MPP3: variants seen among roughly 807,000 people sequenced by gnomAD.
The protein encoded by MPP3 is MAGUK p55 scaffold protein 3, also known as MAGUK p55 subfamily member 3.
A neutral mutation model predicts 80.7 loss-of-function variants in MPP3; 48 were observed. The ratio of observed to expected loss-of-function variants is 0.59; its 90% CI spans 0.47 to 0.76. The LOEUF (loss-of-function observed/expected upper bound fraction) is 0.76, where lower values mean the gene tolerates loss of function less well. Among genes scored for constraint, MPP3 ranks in the 30% least tolerant of loss-of-function variants. MPP3 has a pLI of 0.00. For synonymous variants in MPP3, 311 were observed against 297.6 expected (o/e 1.04, Z -0.46); for missense variants, 620 against 763.0 (o/e 0.81, Z 2.21).
At chr17:43,810,431 G>T (rs1052949374) in intron 18 of MPP3, among the ~76,000 whole-genome samples, 1 of 152,094 alleles carries the variant, frequency 6.6e-6, no homozygotes, top group African/African-American at 2.4e-5. Flanking sequence ...TGGTTGGGGA[G>T]GGGGAGGCCT....
chr17:43,822,546 G>A (rs1035125171), intron 10 of MPP3, among the ~76,000 whole-genome samples: 3 of 151,720 alleles, frequency 2.0e-5, no homozygotes, highest in African/African-American at 4.9e-5. Flanking sequence ...AGGTCTTAAC[G>A]TCTCACCTGG....
At chr17:43,804,265 A>C (rs1016341516) in intron 19 of MPP3, among the ~76,000 whole-genome samples, 2 of 152,230 alleles carry the variant, frequency 1.3e-5, no homozygotes, top group African/African-American at 4.8e-5. Flanking sequence ...AGCCAAAACA[A>C]GCTTGAAAAA....
intron 10 of MPP3, among the ~76,000 whole-genome samples, chr17:43,822,271 C>T (rs543453125): frequency 2.1e-4 from 32 of 152,162 alleles, no homozygotes; most frequent in Non-Finnish European, 3.7e-4. Flanking sequence ...TCATTGAAGA[C>T]GTAGTCCATT....
At position 43,810,895 on chromosome 17, in the gene MPP3, T is replaced by C; in HGVS notation, c.1370A>G (p.Tyr457Cys). The C allele has an allele frequency of 6.2e-7, 1 of 1,606,716 alleles. No individual in the cohort carries two copies. The highest frequency in any genetic ancestry group is 8.5e-7 in the Non-Finnish European group (1 of 1,178,084). ...GCTGGTTCCATACAGATTTTCCTTATATTCACCATGTTCCAGGAACCTAAA... is the reference window on the plus strand; with the variant it reads ...GCTGGTTCCATACAGATTTTCCTTACATTCACCATGTTCCAGGAACCTAAA... Reference protein sequence around the residue: ...HHNKFLEHGEYKENLYGTSLE... With the variant: ...HHNKFLEHGECKENLYGTSLE... The change falls in exon 18 of 20, where the codon TAT (tyrosine) becomes TGT (cysteine). Residue 457 changes from tyrosine to cysteine, a missense_variant. By Grantham distance (194) the Tyr-to-Cys change is radical. Coordinates refer to ENST00000398389, the MANE Select transcript of MPP3 (RefSeq NM_001932.6).
intron 18 of MPP3, among the ~76,000 whole-genome samples, chr17:43,810,509 C>T (rs1199869723): frequency 6.6e-6 from 1 of 152,088 alleles, no homozygotes; most frequent in East Asian, 1.9e-4. Context: ...ATTGCAATGG[C>T]CAGTCAGCGC....
intron 8 of MPP3, among the ~76,000 whole-genome samples, chr17:43,826,130 GC>G (rs1221039528): frequency 6.6e-6 from 1 of 152,222 alleles, no homozygotes; most frequent in Non-Finnish European, 1.5e-5. Flanking sequence ...AAATAATGAA[GC>G]CAGTATTCAA....
Position 43,831,572 on chromosome 17 carries a change from C to T in MPP3, c.131G>A (p.Ser44Asn). 1.2e-6 allele frequency: 2 copies of T among 1,612,564 alleles called. No homozygotes were observed. Among genetic ancestry groups the T allele is most frequent in the Non-Finnish European group, 1.7e-6 (2 of 1,178,696 alleles). ...GTGGGACTTCACCTTCATTAAGTAA[C>T]TGAGGCTTTTTTCACTGAAAACATC... The part of the protein sequence containing the change: ...LRDVFSEKSL[S>N]YLMKIHEKLR... Residue 44 changes from serine (S) to asparagine (N), a missense_variant, in exon 4 of 20, where the codon AGT becomes AAT. Coordinates refer to ENST00000398389, the MANE Select transcript of MPP3 (RefSeq NM_001932.6).
chr17:43,809,003 T>C lies in MPP3; in HGVS notation c.1534A>G (p.Lys512Glu). The C allele has an allele frequency of 6.2e-7, 1 of 1,611,318 alleles. No homozygotes were observed. The highest frequency in any genetic ancestry group is 8.5e-7 in the Non-Finnish European group (1 of 1,179,378). ...FVKPAIQEKR[K>E]TPPMSPACED... ...CAAGCTGGGGACATAGGTGGCGTTT[T>C]TCTTTTTTCCTGAATTGCAGGCTTT... Residue 512 changes from lysine (K) to glutamate (E), a missense_variant, in exon 19 of 20, where the codon AAA (lysine) becomes GAA (glutamate). Transcript: ENST00000398389.
rs183793768 is a variant in MPP3, at chr17:43,831,706, A to G, written c.26-29T>C. 2.9e-4 allele frequency: 449 copies of G among 1,570,230 alleles called. 6 individuals carry two copies. In the East Asian group the frequency reaches 7.6e-3, roughly 26 times the overall value. On this transcript the variant is annotated intron_variant, in intron 3 of 19. Transcript: ENST00000398389. ...GGGAGAGGTGAGAAAAACAAAGGAT[A>G]GCAAACGCAGTGGGTGCTCCCTGCC...
chr17:43,815,857 A>G lies in MPP3; in HGVS notation c.1009+181T>C, dbSNP rs972501521. On this transcript the variant is annotated intron_variant, in intron 14 of 19. Transcript: ENST00000398389. ...TGGGTAAAAGCTGGGTGGGGGCCCA[A>G]TGCCTGGGCAGGCTCAGCTCCTGCT... 7.3e-6 allele frequency: 5 copies of G among 689,568 alleles called. No homozygotes were observed. In the African/African-American group the frequency reaches 9.1e-5, roughly 12 times the overall value. The allele number at this position is 689,568 out of a possible 1,614,324, so 42.7% of individuals were successfully genotyped here.
intron 5 of MPP3, 119 bp downstream of exon 5, chr17:43,831,125 C>G: frequency 1.1e-6 from 1 of 910,822 alleles, no homozygotes; most frequent in Non-Finnish European, 1.7e-6. Context: ...AAGAAAACAC[C>G]TCTTCACCTT....
chr17:43,805,322 A>G (rs1033292682), intron 19 of MPP3, among the ~76,000 whole-genome samples: 2 of 152,214 alleles, frequency 1.3e-5, no homozygotes, highest in African/African-American at 4.8e-5. Context: ...AGACAATAAC[A>G]AGGGCTGGTG....
intron 9 of MPP3, 186 bp downstream of exon 9, chr17:43,825,570 T>C: frequency 5.4e-6 from 3 of 560,652 alleles, no homozygotes; most frequent in Non-Finnish European, 9.6e-6. Flanking sequence ...GGAAGGGAAG[T>C]TCCCCTCCTC....
Position 43,830,236 on chromosome 17 carries a change from G to A in MPP3, c.223-129C>T, listed in dbSNP as rs114711886. On this transcript the variant is annotated intron_variant, in intron 5 of 19. Coordinates refer to ENST00000398389, the MANE Select transcript of MPP3 (RefSeq NM_001932.6). ...GGGCACACCAGACCCTCAACCACCC[G>A]ACGACGATGATCCTGGGAACATCAC... is the stretch of plus-strand genomic sequence containing the variant. 1.3e-3 allele frequency: 722 copies of A among 545,864 alleles called. 4 individuals carry two copies. The highest frequency in any genetic ancestry group is 0.011 in the African/African-American group (584 of 51,604). 33.8% of individuals were successfully genotyped at this position (545,864 alleles called of 1,614,324 possible).
intron 10 of MPP3, among the ~76,000 whole-genome samples, chr17:43,822,779 TG>T (rs2045527496): frequency 1.3e-5 from 2 of 151,432 alleles, no homozygotes; most frequent in Non-Finnish European, 2.9e-5. Flanking sequence ...CAGTGCAGCC[TG>T]GGCTGACTTC....
intron 11 of MPP3, among the ~76,000 whole-genome samples, chr17:43,818,353 A>G (rs1193389079): frequency 6.6e-6 from 1 of 152,124 alleles, no homozygotes; most frequent in Non-Finnish European, 1.5e-5. Flanking sequence ...CCAGCTCAAG[A>G]TGGCCACACA....
chr17:43,820,093 G>A (rs551348246), intron 11 of MPP3, among the ~76,000 whole-genome samples: 54 of 152,120 alleles, frequency 3.5e-4, no homozygotes, highest in African/African-American at 1.3e-3. Flanking sequence ...CTACAGGTGT[G>A]TGCAACCATG....
chr17:43,814,339 C>A lies in MPP3; in HGVS notation c.1032G>T (p.Arg344=). The change falls in exon 15 of 20, where the codon CGG becomes CGT. Residue 344 remains arginine (R), a synonymous_variant. Transcript: ENST00000398389. ...CACCCAGTCTCTCCCTACAGCCCAG[C>A]CGGAAGCTCCTCCGAAGACCAGCTT... ...HYVAGLRRSF[R]LGCRERLGGS... 1 of 1,606,024 alleles carries A rather than the reference C, an allele frequency of 6.2e-7. No individual in the cohort carries two copies. The highest frequency in any genetic ancestry group is 8.5e-7 in the Non-Finnish European group (1 of 1,178,848).
Position 43,829,687 on chromosome 17 carries a change from C to G in MPP3, c.408G>C (p.Lys136Asn). ...CCTTGTTCTTCACCAAGCGGACGAT[C>G]TTCACCGATTCCTCATCAAAATCCT... is the stretch of plus-strand genomic sequence containing the variant. ...IDEDFDEESV[K>N]IVRLVKNKEP... is the part of the protein sequence containing the mutation. Residue 136 changes from lysine to asparagine, a missense_variant, in exon 7 of 20, where the codon AAG (lysine) becomes AAC (asparagine). Coordinates refer to ENST00000398389, the MANE Select transcript of MPP3 (RefSeq NM_001932.6). The G allele has an allele frequency of 6.2e-7, 1 of 1,614,114 alleles. No homozygotes were observed. The highest frequency in any genetic ancestry group is 8.5e-7 in the Non-Finnish European group (1 of 1,180,030).
Sources: allele counts gnomAD v4.1 joint callset (sites outside exome capture counted in the v4.1 genomes callset), GRCh38; gene constraint gnomAD v4.1.1; transcripts MANE v1.5; gene names NCBI Gene and HGNC (gene_info 2026-07-23, HGNC 2026-07-21).